The following ZNF804B variants were observed in gnomAD, a reference collection of about 807,000 sequenced individuals.
The protein encoded by ZNF804B is zinc finger 804B.
Under a neutral mutation model 101.4 loss-of-function variants are expected in ZNF804B, and 80 were observed. The observed-to-expected ratio is 0.79, with a 90% CI of 0.66 to 0.95. The LOEUF (loss-of-function observed/expected upper bound fraction) is 0.95, where lower values mean the gene tolerates loss of function less well. Ranked by LOEUF, ZNF804B falls within the 40% of genes least tolerant of loss-of-function variation. The pLI, the probability that ZNF804B is intolerant of heterozygous loss-of-function variation, is 0.00. For missense variants in ZNF804B, 1,673 were observed against 1,561.9 expected, an observed-to-expected ratio of 1.07 and a Z score of -1.20; for synonymous variants, 622 against 558.8, an observed-to-expected ratio of 1.11 and a Z score of -1.59.
chr7:88,764,335 A>G (rs1239777134), intron 1 of ZNF804B, among the ~76,000 whole-genome samples: 1 of 152,180 alleles, frequency 6.6e-6, no homozygotes. Context: ...CCATAGTTAG[A>G]CATCCTGGAA....
At chr7:89,171,288 G>GCTGCTGCTGCTTCTTCTTCTTCTT (rs1215246589) in intron 1 of ZNF804B, among the ~76,000 whole-genome samples, 34 of 82,538 alleles carry the variant, frequency 4.1e-4, no homozygotes, top group African/African-American at 1.4e-3. Context: ...TGCTGCTGCT[G>GCTGCTGCTGCTTCTTCTTCTTCTT]CTTCTTCTTC....
At chr7:88,826,568 G>A (rs1480666862) in intron 1 of ZNF804B, among the ~76,000 whole-genome samples, 1 of 152,068 alleles carries the variant, frequency 6.6e-6, no homozygotes, top group Non-Finnish European at 1.5e-5. Context: ...TTATGCTAAG[G>A]TCTTTCTCAT....
intron 1 of ZNF804B, among the ~76,000 whole-genome samples, chr7:89,089,579 C>G (rs974502849): frequency 6.6e-6 from 1 of 151,704 alleles, no homozygotes; most frequent in African/African-American, 2.4e-5. Flanking sequence ...CCACACATAC[C>G]AATACAAATG....
intron 2 of ZNF804B, among the ~76,000 whole-genome samples, chr7:89,277,681 A>C (rs554277103): frequency 2.0e-5 from 3 of 151,712 alleles, no homozygotes; most frequent in Non-Finnish European, 4.4e-5. Context: ...ACATGAACTC[A>C]TCATTTTTTA....
chr7:89,078,025 T>C (rs1789638940), intron 1 of ZNF804B, among the ~76,000 whole-genome samples: 1 of 152,094 alleles, frequency 6.6e-6, no homozygotes, highest in African/African-American at 2.4e-5. Context: ...AGCAATACTG[T>C]AAAGGCATTA....
chr7:89,322,187 T>G (rs1244354998), intron 2 of ZNF804B, among the ~76,000 whole-genome samples: 1 of 152,204 alleles, frequency 6.6e-6, no homozygotes, highest in Admixed American at 6.5e-5. Flanking sequence ...AATACATGAT[T>G]TAAGCAAAAC....
intron 1 of ZNF804B, among the ~76,000 whole-genome samples, chr7:88,817,448 C>A (rs909541711): frequency 6.6e-6 from 1 of 151,554 alleles, no homozygotes; most frequent in African/African-American, 2.4e-5. Context: ...TTAGCGCTAC[C>A]AACCTAATGG....
rs1474401227 is a variant in ZNF804B at position 88,786,207 on chromosome 7, T to C, written c.108+26123T>C. Among the ~76,000 whole-genome samples the C allele has an allele frequency of 2.2e-4, 34 of 152,122 alleles. 1 individual carries two copies. Among genetic ancestry groups the C allele is most frequent in the Admixed American group, 2.2e-3 (33 of 15,260 alleles). ...AGAAATAGTGGGCAAGCTATTTCAA[T>C]ATAGTACCAAAGGACACCTTGGCAC... On this transcript the variant is annotated intron_variant, in intron 1 of 3. Coordinates refer to ENST00000333190, the MANE Select transcript of ZNF804B (RefSeq NM_181646.5).
At chr7:89,290,322 G>C (rs1790267310) in intron 2 of ZNF804B, among the ~76,000 whole-genome samples, 1 of 152,108 alleles carries the variant, frequency 6.6e-6, no homozygotes, top group South Asian at 2.1e-4. Flanking sequence ...ACTTCTGCTT[G>C]AGAAAAGCAG....
chr7:88,940,270 T>C (rs1793037459), intron 1 of ZNF804B, among the ~76,000 whole-genome samples: 1 of 151,980 alleles, frequency 6.6e-6, no homozygotes, highest in African/African-American at 2.4e-5. Flanking sequence ...TATTAAATGT[T>C]TAAATCTTCA....
intron 1 of ZNF804B, among the ~76,000 whole-genome samples, chr7:89,196,122 G>T (rs900843565): frequency 6.6e-6 from 1 of 152,066 alleles, no homozygotes; most frequent in African/African-American, 2.4e-5. Context: ...AAAGAACAAA[G>T]CTGGAGGCAC....
At chr7:89,055,494 G>A (rs972610296) in intron 1 of ZNF804B, among the ~76,000 whole-genome samples, 5 of 151,998 alleles carry the variant, frequency 3.3e-5, no homozygotes, top group South Asian at 4.1e-4. Flanking sequence ...TGGGCCTAGC[G>A]CAAGAGGAAA....
intron 1 of ZNF804B, among the ~76,000 whole-genome samples, chr7:88,877,049 ATTTTT>A (rs869097226): frequency 5.7e-3 from 79 of 13,842 alleles, no homozygotes; most frequent in African/African-American, 0.029. Context: ...ATATATATAT[ATTTTT>A]TTTTTTTTTT....
Position 88,894,512 on chromosome 7 carries a change from C to T in ZNF804B, c.108+134428C>T, listed in dbSNP as rs370268500. Among the ~76,000 whole-genome samples the T allele has an allele frequency of 3.9e-5, 6 of 151,954 alleles. No homozygotes were observed. In the South Asian group the frequency reaches 8.3e-4, roughly 21 times the overall value. Reference sequence around the variant, plus strand: ...CAGATGTGAGCCACCGCCCCTGGCCCAATCATACGCTATTAATAGCATATT... The same window carrying T: ...CAGATGTGAGCCACCGCCCCTGGCCTAATCATACGCTATTAATAGCATATT... On this transcript the variant is annotated intron_variant, in intron 1 of 3. Coordinates refer to ENST00000333190, the MANE Select transcript of ZNF804B (RefSeq NM_181646.5).
At chr7:88,782,607 T>C (rs185636817) in intron 1 of ZNF804B, among the ~76,000 whole-genome samples, 307 of 152,280 alleles carry the variant, frequency 2.0e-3, no homozygotes, top group Non-Finnish European at 3.2e-3. Flanking sequence ...CAAAGAGATA[T>C]TTTGATGCTT....
chr7:89,015,737 TG>T (rs1426907005), intron 1 of ZNF804B, among the ~76,000 whole-genome samples: 1 of 152,176 alleles, frequency 6.6e-6, no homozygotes, highest in Non-Finnish European at 1.5e-5. Flanking sequence ...AGTCTATCAT[TG>T]TTGGACATTT....
intron 1 of ZNF804B, among the ~76,000 whole-genome samples, chr7:88,997,355 C>T (rs1188815227): frequency 6.6e-6 from 1 of 152,018 alleles, no homozygotes; most frequent in Non-Finnish European, 1.5e-5. Context: ...GTTAGATTAT[C>T]CTCACTTAGG....
At chr7:89,185,538 A>C (rs1211184845) in intron 1 of ZNF804B, among the ~76,000 whole-genome samples, 3 of 152,136 alleles carry the variant, frequency 2.0e-5, no homozygotes, top group African/African-American at 7.2e-5. Context: ...TTCAAGTCTC[A>C]AAGTAAGCTA....
At chr7:89,330,173 A>G (rs1790957480) in intron 3 of ZNF804B, among the ~76,000 whole-genome samples, 2 of 151,720 alleles carry the variant, frequency 1.3e-5, no homozygotes, top group Admixed American at 1.3e-4. Context: ...GGAGAAAACT[A>G]TAAAAATTGA....
Sources: allele counts gnomAD v4.1 joint callset (sites outside exome capture counted in the v4.1 genomes callset), GRCh38; gene constraint gnomAD v4.1.1; transcripts MANE v1.5; gene names NCBI Gene and HGNC (gene_info 2026-07-23, HGNC 2026-07-21).